ERC2: variants seen among roughly 807,000 people sequenced by gnomAD.
The protein encoded by ERC2 is ELKS/RAB6-interacting/CAST family member 2.
A neutral mutation model predicts 114.8 loss-of-function variants in ERC2; 42 were observed. The observed-to-expected ratio is 0.37, with a 90% CI of 0.29 to 0.47. The LOEUF (loss-of-function observed/expected upper bound fraction) is 0.47, where lower values mean the gene tolerates loss of function less well. Among genes scored for constraint, ERC2 ranks in the 20% least tolerant of loss-of-function variants. ERC2 has a pLI of 0.99. For synonymous variants in ERC2, 454 were observed against 425.5 expected, an observed-to-expected ratio of 1.07 and a Z score of -0.82; for missense variants, 939 against 1,150.7, an observed-to-expected ratio of 0.82 and a Z score of 2.66.
chr3:55,644,270 G>A (rs116786299), intron 17 of ERC2, among the ~76,000 whole-genome samples: 229 of 152,222 alleles, frequency 1.5e-3, no homozygotes, highest in Middle Eastern at 0.01. Context: ...TAGAAAACAC[G>A]TCAAAAGTTA....
intron 17 of ERC2, among the ~76,000 whole-genome samples, chr3:55,605,088 G>A (rs1008682510): frequency 3.9e-5 from 6 of 152,202 alleles, no homozygotes; most frequent in African/African-American, 1.4e-4. Context: ...ATCAATCAGT[G>A]AAGAAACATG....
At position 56,296,341 on chromosome 3, in the gene ERC2, G is replaced by A. The variant is rs201572436; in HGVS notation, c.752C>T (p.Ala251Val). The change falls in exon 3 of 18, where the codon GCG (alanine) becomes GTG (valine). Residue 251 changes from alanine (A) to valine (V), a missense_variant. Around this residue, in one of 5 missense-constraint regions of ERC2, gnomAD observed 33 missense variants for 75.6 expected, o/e 0.44. Transcript: ENST00000288221. ...LLQQESGNRG[A>V]EHFTIELTEE... ...GGTCAGCTCGATGGTGAAGTGCTCC[G>A]CTCCTCGGTTGCCACTCTCTTGCTG... 41 of 1,613,998 alleles carry A rather than the reference G, an allele frequency of 2.5e-5. No homozygotes were observed. The highest frequency in any genetic ancestry group is 2.4e-4 in the African/African-American group (18 of 75,036).
chr3:56,079,592 T>A (rs2149753446), intron 7 of ERC2, among the ~76,000 whole-genome samples: 1 of 152,250 alleles, frequency 6.6e-6, no homozygotes, highest in Admixed American at 6.5e-5. Context: ...TGGAAGCCAA[T>A]GGAGGTGGGG....
intron 14 of ERC2, among the ~76,000 whole-genome samples, chr3:55,859,042 T>C (rs2061908911): frequency 6.6e-6 from 1 of 152,216 alleles, no homozygotes. Context: ...CCAGCAATTC[T>C]ATTAGTTGGA....
Position 55,796,778 on chromosome 3 carries a change from G to A in ERC2, c.2565-61860C>T, listed in dbSNP as rs141081992. On this transcript the variant is annotated intron_variant, in intron 14 of 17. Coordinates refer to ENST00000288221, the MANE Select transcript of ERC2 (RefSeq NM_015576.3). Reference sequence around the variant, plus strand: ...TACTGGAACACAGCCACACCCATTTGTTTATAAATTGTCTCTGGCTGAGTT... The same window carrying A: ...TACTGGAACACAGCCACACCCATTTATTTATAAATTGTCTCTGGCTGAGTT... Among the ~76,000 whole-genome samples the A allele has an allele frequency of 3.3e-3, 503 of 152,282 alleles. 3 individuals are homozygous for A. Among genetic ancestry groups the A allele is most frequent in the African/African-American group, 0.012 (480 of 41,552 alleles).
rs143093611 is a variant in ERC2 at position 56,236,966 on chromosome 3, A to G, written c.1074+59053T>C. ...TCAGGTCCAGCCAACATGAAATTAC[A>G]GAAGACCATCTCTCATACAGTTCCT... On this transcript the variant is annotated intron_variant, in intron 3 of 17. Coordinates refer to ENST00000288221, the MANE Select transcript of ERC2 (RefSeq NM_015576.3). Among the ~76,000 whole-genome samples the G allele has an allele frequency of 5.3e-4, 80 of 152,350 alleles. 1 individual carries two copies. Among genetic ancestry groups the G allele is most frequent in the Non-Finnish European group, 9.1e-4 (62 of 68,030 alleles).
intron 7 of ERC2, among the ~76,000 whole-genome samples, chr3:56,042,423 TAAATA>T (rs2075243850): frequency 6.6e-6 from 1 of 152,216 alleles, no homozygotes; most frequent in African/African-American, 2.4e-5. Context: ...AGGTTCTCAG[TAAATA>T]TTCCTCAACT....
At chr3:55,869,892 C>T (rs1270788090) in intron 14 of ERC2, among the ~76,000 whole-genome samples, 1 of 152,122 alleles carries the variant, frequency 6.6e-6, no homozygotes, top group Non-Finnish European at 1.5e-5. Flanking sequence ...GGAACCGACA[C>T]TTTCACAGAG....
At position 55,734,800 on chromosome 3, in the gene ERC2, C is replaced by G; in HGVS notation, c.2683G>C (p.Asp895His). 6.2e-7 allele frequency: 1 copy of G among 1,613,096 alleles called. No homozygotes were observed. Among genetic ancestry groups the G allele is most frequent in the South Asian group, 1.1e-5 (1 of 90,924 alleles). ...TGCTTTAATTGATGTACTAGTCGGTCTTTTTCCCGCTTGAGGGCCATGACT... is the reference window on the plus strand; with the variant it reads ...TGCTTTAATTGATGTACTAGTCGGTGTTTTTCCCGCTTGAGGGCCATGACT... The part of the protein sequence containing the change: ...EEVMALKREK[D>H]RLVHQLKQQT... The change falls in exon 15 of 18, where the codon GAC becomes CAC. Residue 895 changes from aspartate (D) to histidine (H), a missense_variant. Asp to His is a moderately conservative substitution (Grantham distance 81). Coordinates refer to ENST00000288221, the MANE Select transcript of ERC2 (RefSeq NM_015576.3).
intron 14 of ERC2, among the ~76,000 whole-genome samples, chr3:55,759,407 TCTC>T: frequency 6.8e-6 from 1 of 146,642 alleles, no homozygotes; most frequent in Non-Finnish European, 1.5e-5. Flanking sequence ...TTCGCTATTG[TCTC>T]CTCCCCCTCT....
intron 6 of ERC2, among the ~76,000 whole-genome samples, chr3:56,103,752 T>C (rs2078489335): frequency 6.9e-6 from 1 of 144,296 alleles, no homozygotes; most frequent in Non-Finnish European, 1.5e-5. Flanking sequence ...TGTATCTATC[T>C]ATCTATCTAT....
At chr3:55,598,494 A>C (rs969975550) in intron 17 of ERC2, among the ~76,000 whole-genome samples, 1 of 152,256 alleles carries the variant, frequency 6.6e-6, no homozygotes, top group African/African-American at 2.4e-5. Flanking sequence ...AACATAGTAC[A>C]TGTGTCCCAA....
At chr3:56,319,443 A>G (rs2057025021) in intron 2 of ERC2, among the ~76,000 whole-genome samples, 1 of 152,224 alleles carries the variant, frequency 6.6e-6, no homozygotes, top group South Asian at 2.1e-4. Flanking sequence ...CTAAAATAGT[A>G]AAACTCATAG....
intron 3 of ERC2, among the ~76,000 whole-genome samples, chr3:56,289,315 C>G (rs1471095939): frequency 2.6e-5 from 4 of 152,178 alleles, no homozygotes; most frequent in Non-Finnish European, 2.9e-5. Flanking sequence ...ACTTCCATGG[C>G]CACCACCCAG....
chr3:56,403,651 G>A (rs2060604852), intron 2 of ERC2, among the ~76,000 whole-genome samples: 4 of 152,156 alleles, frequency 2.6e-5, no homozygotes, highest in Admixed American at 2.6e-4. Context: ...GAGATCCCCA[G>A]GTAATTAGTG....
At chr3:55,525,752 G>T (rs2053270474) in intron 17 of ERC2, among the ~76,000 whole-genome samples, 1 of 152,178 alleles carries the variant, frequency 6.6e-6, no homozygotes, top group South Asian at 2.1e-4. Context: ...GCTGCCTTCA[G>T]GCAGTGGGAC....
At chr3:55,583,124 T>C (rs2057342739) in intron 17 of ERC2, among the ~76,000 whole-genome samples, 1 of 152,208 alleles carries the variant, frequency 6.6e-6, no homozygotes, top group South Asian at 2.1e-4. Flanking sequence ...CCAATTGTTA[T>C]GCTCTGTGGA....
intron 13 of ERC2, among the ~76,000 whole-genome samples, chr3:55,902,151 T>C (rs1241869148): frequency 2.0e-5 from 3 of 152,200 alleles, no homozygotes; most frequent in African/African-American, 4.8e-5. Context: ...AGCTTCATCA[T>C]CCTCCAACTA....
At position 55,746,840 on chromosome 3, in the gene ERC2, G is replaced by A. The variant is rs17055933; in HGVS notation, c.2565-11922C>T. ...AAAGCTGTTCTCCCTTGTTGTGCCTGCCACAGAGCTGGACAGCAATTCAAG... is the reference window on the plus strand; with the variant it reads ...AAAGCTGTTCTCCCTTGTTGTGCCTACCACAGAGCTGGACAGCAATTCAAG... On this transcript the variant is annotated intron_variant, in intron 14 of 17. Transcript: ENST00000288221. 2.1e-3 allele frequency among the ~76,000 whole-genome samples: 322 copies of A among 152,296 alleles called. 11 individuals are homozygous for A. In the East Asian group the frequency reaches 0.056, roughly 27 times the overall value.
Sources: gnomAD v4.1 joint callset for allele counts (sites outside exome capture counted in the v4.1 genomes callset) on GRCh38, gnomAD v4.1.1 for gene constraint, gnomAD v4.1.1 regional missense constraint, MANE v1.5 for transcripts, NCBI Gene and HGNC (gene_info 2026-07-23, HGNC 2026-07-21) for gene names.